The following MIPOL1 variants were observed in gnomAD, a reference collection of about 807,000 sequenced individuals.
MIPOL1 encodes the protein mirror-image polydactyly gene 1 protein.
In MIPOL1, 57 loss-of-function variants were observed where a neutral mutation model predicts 60.9. The ratio of observed to expected loss-of-function variants is 0.94; its 90% CI spans 0.76 to 1.17. The LOEUF (loss-of-function observed/expected upper bound fraction) is 1.17. Among genes scored for constraint, MIPOL1 ranks in the 50% most tolerant of loss-of-function variants. MIPOL1 has a pLI of 0.00. For missense variants in MIPOL1, 551 were observed against 511.6 expected, an observed-to-expected ratio of 1.08 and a Z score of -0.74; for synonymous variants, 179 against 168.8, an observed-to-expected ratio of 1.06 and a Z score of -0.47.
At chr14:37,449,570 T>C (rs780939080) in intron 11 of MIPOL1, among the ~76,000 whole-genome samples, 1 of 152,190 alleles carries the variant, frequency 6.6e-6, no homozygotes, top group Non-Finnish European at 1.5e-5. Flanking sequence ...TTGCTGACCA[T>C]GCTAACCATG....
At chr14:37,435,173 C>T (rs1397473740) in intron 11 of MIPOL1, among the ~76,000 whole-genome samples, 1 of 152,116 alleles carries the variant, frequency 6.6e-6, no homozygotes, top group African/African-American at 2.4e-5. Flanking sequence ...TATACTCTGG[C>T]CCCTGGCTAC....
At chr14:37,302,383 T>C (rs560202697) in intron 7 of MIPOL1, among the ~76,000 whole-genome samples, 122 of 151,672 alleles carry the variant, frequency 8.0e-4, no homozygotes, top group Non-Finnish European at 1.5e-3. Context: ...TCTTTTTATA[T>C]GTTTATTTTT....
intron 1 of MIPOL1, among the ~76,000 whole-genome samples, chr14:37,242,620 G>C (rs1236820922): frequency 6.6e-6 from 1 of 152,154 alleles, no homozygotes; most frequent in South Asian, 2.1e-4. Flanking sequence ...GTTAGTTCTA[G>C]TTTCTTGCTA....
At chr14:37,319,770 C>T (rs981648834) in intron 9 of MIPOL1, among the ~76,000 whole-genome samples, 19 of 152,110 alleles carry the variant, frequency 1.2e-4, no homozygotes, top group Non-Finnish European at 1.8e-4. Flanking sequence ...TGGAACACTG[C>T]TAGTACTCCA....
chr14:37,356,732 T>C (rs1228559490), intron 9 of MIPOL1, among the ~76,000 whole-genome samples: 1 of 152,174 alleles, frequency 6.6e-6, no homozygotes, highest in Non-Finnish European at 1.5e-5. Context: ...CCCTTGCGCT[T>C]CCCGAGTGAG....
At chr14:37,244,726 C>T (rs895160895) in intron 1 of MIPOL1, among the ~76,000 whole-genome samples, 1 of 151,996 alleles carries the variant, frequency 6.6e-6, no homozygotes, top group African/African-American at 2.4e-5. Context: ...TGATTGTCTA[C>T]TGTAAAATCA....
rs766120640 is a variant in MIPOL1, at chr14:37,208,230, A to G, written c.-199+10126A>G. On this transcript the variant is annotated intron_variant, in intron 1 of 12. Transcript: ENST00000684589. Reference sequence around the variant, plus strand: ...AATAGTACTTGGAGAATGACTTTCAATATGTGTGGTTTTATAAGTTTCGGA... The same window carrying G: ...AATAGTACTTGGAGAATGACTTTCAGTATGTGTGGTTTTATAAGTTTCGGA... Among the ~76,000 whole-genome samples, 23 of 152,288 alleles carry G rather than the reference A, an allele frequency of 1.5e-4. No homozygotes were observed. The South Asian group carries it at 2.1e-3, about 14-fold the overall frequency.
chr14:37,464,682 CACT>C (rs1247300874), intron 11 of MIPOL1, among the ~76,000 whole-genome samples: 1 of 152,080 alleles, frequency 6.6e-6, no homozygotes, highest in Non-Finnish European at 1.5e-5. Flanking sequence ...CAGACTTCAC[CACT>C]ATGCAATGTA....
intron 1 of MIPOL1, among the ~76,000 whole-genome samples, chr14:37,209,399 A>G (rs1471648305): frequency 6.6e-6 from 1 of 152,020 alleles, no homozygotes; most frequent in African/African-American, 2.4e-5. Context: ...TGGCTCACCC[A>G]TGTAATCCCA....
At chr14:37,373,392 T>C (rs2092693559) in intron 10 of MIPOL1, among the ~76,000 whole-genome samples, 1 of 152,104 alleles carries the variant, frequency 6.6e-6, no homozygotes, top group Non-Finnish European at 1.5e-5. Context: ...ATATTGCCTT[T>C]CTATCCTTTT....
chr14:37,350,445 AT>A (rs900959325), intron 9 of MIPOL1, among the ~76,000 whole-genome samples: 3 of 150,134 alleles, frequency 2.0e-5, no homozygotes, highest in South Asian at 4.3e-4. Flanking sequence ...GTATTTAACA[AT>A]TTTTTTTAAT....
At chr14:37,281,437 C>T (rs1382028688) in intron 6 of MIPOL1, among the ~76,000 whole-genome samples, 1 of 152,130 alleles carries the variant, frequency 6.6e-6, no homozygotes, top group East Asian at 1.9e-4. Context: ...AAGAGTCTTG[C>T]TCTGTCGCCC....
At chr14:37,315,415 T>C (rs929961371) in intron 9 of MIPOL1, among the ~76,000 whole-genome samples, 1 of 152,182 alleles carries the variant, frequency 6.6e-6, no homozygotes, top group African/African-American at 2.4e-5. Context: ...GGAGCAGATA[T>C]TGCATCTAAA....
chr14:37,328,475 A>G (rs2089389859), intron 9 of MIPOL1, among the ~76,000 whole-genome samples: 1 of 152,146 alleles, frequency 6.6e-6, no homozygotes, highest in East Asian at 1.9e-4. Context: ...ATTATATGTT[A>G]CTACTTTTGT....
At chr14:37,525,861 T>C (rs1393440089) in intron 12 of MIPOL1, among the ~76,000 whole-genome samples, 1 of 152,210 alleles carries the variant, frequency 6.6e-6, no homozygotes, top group Non-Finnish European at 1.5e-5. Context: ...AAATTAACAG[T>C]AAAGATAACC....
At position 37,548,065 on chromosome 14, in the gene MIPOL1, G is replaced by T. The variant is rs2095552643; in HGVS notation, c.*1094G>T. The stretch of plus-strand genomic sequence containing the variant: ...TACTTTCATATTTTTAGATTAGACA[G>T]ACGAAAGACCAAGAGGAAATGACTG... On this transcript the variant is annotated 3_prime_UTR_variant, in exon 13 of 13. Transcript: ENST00000684589. The T allele has an allele frequency of 6.6e-6, 1 of 151,986 alleles. No individual in the cohort carries two copies. The highest frequency in any genetic ancestry group is 2.1e-4 in the South Asian group (1 of 4,838). The allele number at this position is 151,986 out of a possible 1,614,324, so 9.4% of individuals were successfully genotyped here. A position where few individuals can be genotyped will look rare whatever the true frequency, so the allele number is the denominator to read the frequency against.
intron 7 of MIPOL1, among the ~76,000 whole-genome samples, chr14:37,290,067 GTGTTATCCT>G (rs2084924518): frequency 1.3e-5 from 2 of 152,312 alleles, no homozygotes; most frequent in Admixed American, 6.5e-5. Context: ...AATTGGCTGT[GTGTTATCCT>G]TGTATTCAAA....
intron 10 of MIPOL1, chr14:37,400,763 A>G (rs1405551207): frequency 1.3e-5 from 2 of 152,266 alleles, no homozygotes; most frequent in African/African-American, 2.4e-5. Context: ...AAAGTTGCCA[A>G]TCTACCTAAT....
intron 1 of MIPOL1, among the ~76,000 whole-genome samples, chr14:37,203,696 C>T (rs1455980002): frequency 1.3e-5 from 2 of 152,164 alleles, no homozygotes; most frequent in African/African-American, 4.8e-5. Flanking sequence ...GTGAACTGAC[C>T]TGTGAAAAGG....
Sources: allele counts gnomAD v4.1 joint callset (sites outside exome capture counted in the v4.1 genomes callset), GRCh38; gene constraint gnomAD v4.1.1; transcripts MANE v1.5; gene names NCBI Gene and HGNC (gene_info 2026-07-23, HGNC 2026-07-21).